The following LPCAT1 variants were observed in gnomAD, a reference collection of about 807,000 sequenced individuals.
The protein encoded by LPCAT1 is 1-acylglycerol-3-phosphate O-acyltransferase.
Under a neutral mutation model 60.9 loss-of-function variants are expected in LPCAT1, and 23 were observed. That is an observed-to-expected ratio of 0.38 (90% confidence interval 0.27 to 0.53). The LOEUF is 0.53. Among genes scored for constraint, LPCAT1 ranks in the 20% least tolerant of loss-of-function variants. The pLI is 0.82. For missense variants in LPCAT1, 622 were observed against 723.6 expected, an observed-to-expected ratio of 0.86 and a Z score of 1.61; for synonymous variants, 340 against 301.1, an observed-to-expected ratio of 1.13 and a Z score of -1.34.
At chr5:1,501,744 C>T in intron 1 of LPCAT1, 141 bp from the exon 2 acceptor site, 2 of 833,430 alleles carry the variant, frequency 2.4e-6, no homozygotes, top group Non-Finnish European at 3.8e-6. Flanking sequence ...ACACAGCTGA[C>T]CAAGGCTGAC....
intron 1 of LPCAT1, among the ~76,000 whole-genome samples, chr5:1,511,452 G>A (rs7716520): frequency 0.089 from 9,545 of 107,128 alleles, no homozygotes; most frequent in Non-Finnish European, 0.13. Context: ...ACGTGGGGAC[G>A]TCACCTGCTC....
chr5:1,504,714 CA>C (rs11463524), intron 1 of LPCAT1, among the ~76,000 whole-genome samples: 1,696 of 102,034 alleles, frequency 0.017, 30 homozygotes, highest in African/African-American at 0.047. Context: ...ATCTCCGTCC[CA>C]AAAAAAAAAA....
rs1233480344 is a variant in LPCAT1, at chr5:1,470,924, T to C, written c.1180A>G (p.Ser394Gly). ...CGCAGGTCCACCTCGCCGCTGCCGCTCTGTGGGGAGAGACGCTCTCAGCCA... is the reference window on the plus strand; with the variant it reads ...CGCAGGTCCACCTCGCCGCTGCCGCCCTGTGGGGAGAGACGCTCTCAGCCA... ...LEDMFSLFDE[S>G]GSGEVDLREC... The change falls in exon 12 of 14, where the codon AGC becomes GGC. Residue 394 changes from serine to glycine, a missense_variant and splice_region_variant. By Grantham distance (56) the Ser-to-Gly change is moderately conservative. Around this residue, in one of 3 missense-constraint regions of LPCAT1, gnomAD observed 288 missense variants for 283.6 expected, o/e 1.02. Coordinates refer to ENST00000283415, the MANE Select transcript of LPCAT1 (RefSeq NM_024830.5). The C allele has an allele frequency of 6.2e-7, 1 of 1,612,272 alleles. No homozygotes were observed. Among genetic ancestry groups the C allele is most frequent in the East Asian group, 2.2e-5 (1 of 44,838 alleles).
chr5:1,507,393 G>C (rs36967), intron 1 of LPCAT1, among the ~76,000 whole-genome samples: 41,028 of 152,232 alleles, frequency 0.27, 6,354 homozygotes, highest in Non-Finnish European at 0.35. Context: ...TGAAGTCTGA[G>C]GCTGAGTTAC....
Position 1,463,558 on chromosome 5 carries a change from G to A in LPCAT1, c.*93C>T. ...GCTGAAGACAGTGCCTGTACAGCAG[G>A]AGTGAGGAGCGGAGCCCAGAGGTCA... On this transcript the variant is annotated 3_prime_UTR_variant, in exon 14 of 14. Transcript: ENST00000283415. 7.3e-7 allele frequency: 1 copy of A among 1,368,494 alleles called. No homozygotes were observed. The highest frequency in any genetic ancestry group is 1.4e-5 in the African/African-American group (1 of 69,708). 84.8% of individuals were successfully genotyped at this position (1,368,494 alleles called of 1,614,324 possible).
At chr5:1,493,080 G>C (rs947015065) in intron 3 of LPCAT1, among the ~76,000 whole-genome samples, 3 of 152,218 alleles carry the variant, frequency 2.0e-5, no homozygotes, top group African/African-American at 7.2e-5. Flanking sequence ...CTGCGTGTGA[G>C]AGCCAAGGCC....
At chr5:1,485,439 G>A (rs1007241315) in intron 5 of LPCAT1, among the ~76,000 whole-genome samples, 1 of 152,236 alleles carries the variant, frequency 6.6e-6, no homozygotes, top group African/African-American at 2.4e-5. Context: ...CAGGGCTTCT[G>A]AATGCAGGAA....
At chr5:1,511,263 C>T (rs561130953) in intron 1 of LPCAT1, among the ~76,000 whole-genome samples, 1 of 152,206 alleles carries the variant, frequency 6.6e-6, no homozygotes, top group Non-Finnish European at 1.5e-5. Flanking sequence ...ACCTCCCCGG[C>T]GCGCGCTGTT....
In LPCAT1 at chr5:1,477,527, G is replaced by T; in HGVS notation, c.817-41C>A. On this transcript the variant is annotated intron_variant, in intron 8 of 13. Transcript: ENST00000283415. This position sits in a 1 kb window ranked among gnomAD's most constrained non-coding sequence, Gnocchi z 6.0. ...AGCTGCGTTAGTATCACAAGACGCT[G>T]ACCTCAGCAACACCACTGTAACGAC... 6.8e-7 allele frequency: 1 copy of T among 1,469,380 alleles called. No individual in the cohort carries two copies. The highest frequency in any genetic ancestry group is 1.1e-5 in the South Asian group (1 of 87,344). The allele number at this position is 1,469,380 out of a possible 1,614,324, so 91.0% of individuals were successfully genotyped here. A position where few individuals can be genotyped will look rare whatever the true frequency, so the allele number is the denominator to read the frequency against.
At chr5:1,467,822 C>A (rs1279399895) in intron 12 of LPCAT1, among the ~76,000 whole-genome samples, 2 of 152,188 alleles carry the variant, frequency 1.3e-5, no homozygotes, top group African/African-American at 4.8e-5. Flanking sequence ...GCCAGCTCTT[C>A]TACCTGGTTC....
At position 1,466,030 on chromosome 5, in the gene LPCAT1, G is replaced by A. The variant is rs142383783; in HGVS notation, c.1420+719C>T. On this transcript the variant is annotated intron_variant, in intron 13 of 13. Coordinates refer to ENST00000283415, the MANE Select transcript of LPCAT1 (RefSeq NM_024830.5). ...ACGCAGCTCTCTCGCGTGTCTTCTC[G>A]TTTGCTCTAAGACCACCCTTCCAGG... Among the ~76,000 whole-genome samples, 364 of 152,308 alleles carry A rather than the reference G, an allele frequency of 2.4e-3. 3 individuals carry two copies. Among genetic ancestry groups the A allele is most frequent in the Admixed American group, 7.5e-3 (115 of 15,302 alleles).
chr5:1,490,237 T>G (rs58146373), intron 3 of LPCAT1, among the ~76,000 whole-genome samples: 77,333 of 152,034 alleles, frequency 0.51, 20,853 homozygotes, highest in African/African-American at 0.7. Context: ...GACCCCGCCT[T>G]CCCCCTGTGG....
intron 12 of LPCAT1, among the ~76,000 whole-genome samples, chr5:1,468,247 T>C (rs1156863155): frequency 2.6e-5 from 4 of 152,232 alleles, no homozygotes; most frequent in Non-Finnish European, 4.4e-5. Flanking sequence ...CCCACAGCGC[T>C]GCCGCACGCG....
chr5:1,497,829 G>A (rs1308834572), intron 2 of LPCAT1, among the ~76,000 whole-genome samples: 1 of 152,184 alleles, frequency 6.6e-6, no homozygotes, highest in African/African-American at 2.4e-5. Context: ...CCCACACAGA[G>A]CATTCAGGAA....
chr5:1,494,241 G>A (rs1735694374), intron 3 of LPCAT1, among the ~76,000 whole-genome samples: 1 of 152,240 alleles, frequency 6.6e-6, no homozygotes, highest in Non-Finnish European at 1.5e-5. Flanking sequence ...AGCCACCCTT[G>A]CCAAGCAGAC....
Position 1,489,792 on chromosome 5 carries a change from A to C in LPCAT1, c.560T>G (p.Val187Gly), listed in dbSNP as rs1178374759. Residue 187 changes from valine (V) to glycine (G), a missense_variant, in exon 4 of 14, where the codon GTA becomes GGA. Around this residue, in one of 3 missense-constraint regions of LPCAT1, gnomAD observed 209 missense variants for 325.5 expected, o/e 0.64. Transcript: ENST00000283415. ...RSDQDSRRKT[V>G]EEIKRRAQSN... is the part of the protein sequence containing the mutation. ...CTGCGCCCGTCTCTTGATTTCTTCT[A>C]CTGTTTTCCTGCGAGAATCCTGGTC... 6.2e-7 allele frequency: 1 copy of C among 1,614,018 alleles called. No individual in the cohort carries two copies. Among genetic ancestry groups the C allele is most frequent in the Non-Finnish European group, 8.5e-7 (1 of 1,179,980 alleles).
rs188536229 is a variant in LPCAT1, at chr5:1,511,032, C to T, written c.136-9429G>A. Among the ~76,000 whole-genome samples the T allele has an allele frequency of 1.1e-3, 172 of 152,322 alleles. 2 individuals carry two copies. Among genetic ancestry groups the T allele is most frequent in the Middle Eastern group, 3.4e-3 (1 of 294 alleles). On this transcript the variant is annotated intron_variant, in intron 1 of 13. Coordinates refer to ENST00000283415, the MANE Select transcript of LPCAT1 (RefSeq NM_024830.5). ...GGGAGCACACCTTCCTCCTGCGGGGCGTCCCCACCAGCGTCTGAGGGGCAC... is the reference window on the plus strand; with the variant it reads ...GGGAGCACACCTTCCTCCTGCGGGGTGTCCCCACCAGCGTCTGAGGGGCAC...
chr5:1,484,223 C>T (rs1356950239), intron 5 of LPCAT1, among the ~76,000 whole-genome samples: 2 of 152,220 alleles, frequency 1.3e-5, no homozygotes, highest in East Asian at 1.9e-4. Context: ...AGCCACAGGC[C>T]GCAGAGGCTC....
chr5:1,472,596 C>T (rs565708349), intron 11 of LPCAT1, among the ~76,000 whole-genome samples: 1 of 152,270 alleles, frequency 6.6e-6, no homozygotes, highest in South Asian at 2.1e-4. Flanking sequence ...TGCACAGTGT[C>T]ATAAGTTACC....
Sources: gnomAD v4.1 joint callset for allele counts (sites outside exome capture counted in the v4.1 genomes callset) on GRCh38, gnomAD v4.1.1 for gene constraint, gnomAD v4.1.1 regional missense constraint, Gnocchi (gnomAD v3.1) non-coding constraint, MANE v1.5 for transcripts, NCBI Gene and HGNC (gene_info 2026-07-23, HGNC 2026-07-21) for gene names.